The following TMEM132C variants were observed in gnomAD, a reference collection of about 807,000 sequenced individuals.
The protein encoded by TMEM132C is protein phosphatase 1, regulatory subunit 152.
A neutral mutation model predicts 61.4 loss-of-function variants in TMEM132C; 29 were observed. The observed-to-expected ratio is 0.47, with a 90% CI of 0.35 to 0.64. The LOEUF is 0.64. TMEM132C is among the 30% of genes least tolerant of loss of function. The probability of loss-of-function intolerance (pLI) is 0.00; values close to 1 mark genes in which losing one functional copy is unlikely to be tolerated. For synonymous variants in TMEM132C, 656 were observed against 633.1 expected (o/e 1.04, Z -0.54); for missense variants, 1,408 against 1,476.9 (o/e 0.95, Z 0.76).
intron 1 of TMEM132C, among the ~76,000 whole-genome samples, chr12:128,325,388 C>T (rs947741964): frequency 6.6e-6 from 1 of 152,068 alleles, no homozygotes; most frequent in African/African-American, 2.4e-5. Context: ...AGATTACCTT[C>T]CATAGGATCA....
intron 1 of TMEM132C, among the ~76,000 whole-genome samples, chr12:128,374,296 CTGACTGATTACTGGTG>C (rs1202552317): frequency 6.6e-6 from 1 of 152,170 alleles, no homozygotes; most frequent in Non-Finnish European, 1.5e-5. Context: ...GGTTTCAGAA[CTGACTGATTACTGGTG>C]TGAGGGAAGA....
intron 1 of TMEM132C, among the ~76,000 whole-genome samples, chr12:128,290,321 G>A (rs999719039): frequency 6.6e-6 from 1 of 152,102 alleles, no homozygotes; most frequent in African/African-American, 2.4e-5. Flanking sequence ...AGCAAGGGAC[G>A]TCCTACATGG....
chr12:128,453,303 G>A (rs937188147), intron 2 of TMEM132C, among the ~76,000 whole-genome samples: 2 of 152,144 alleles, frequency 1.3e-5, no homozygotes, highest in African/African-American at 2.4e-5. Context: ...GCATAGGCTG[G>A]ATTTTCTCAT....
chr12:128,698,828 T>TGCTGGAGGAGGTGTCATGTG (rs1336582393), intron 8 of TMEM132C, among the ~76,000 whole-genome samples: 1 of 152,178 alleles, frequency 6.6e-6, no homozygotes, highest in African/African-American at 2.4e-5. Context: ...GACTGAGCAA[T>TGCTGGAGGAGGTGTCATGTG]GCTGGAGGAG....
At chr12:128,443,658 G>A (rs960771004) in intron 2 of TMEM132C, among the ~76,000 whole-genome samples, 4 of 152,058 alleles carry the variant, frequency 2.6e-5, no homozygotes, top group Non-Finnish European at 4.4e-5. Flanking sequence ...TCTGATGAAC[G>A]GACAAGGCTA....
chr12:128,542,069 T>C (rs1044936509), intron 2 of TMEM132C, among the ~76,000 whole-genome samples: 1 of 152,158 alleles, frequency 6.6e-6, no homozygotes, highest in Admixed American at 6.5e-5. Flanking sequence ...GCCAACCCTC[T>C]TTATTTCAGT....
At chr12:128,270,268 T>G (rs1486531241) in intron 1 of TMEM132C, among the ~76,000 whole-genome samples, 1 of 152,180 alleles carries the variant, frequency 6.6e-6, no homozygotes, top group Non-Finnish European at 1.5e-5. Context: ...TTAGAATTAC[T>G]GATATCTTTG....
At chr12:128,434,778 T>A (rs12319176) in intron 2 of TMEM132C, among the ~76,000 whole-genome samples, 45 of 151,996 alleles carry the variant, frequency 3.0e-4, no homozygotes, top group African/African-American at 6.5e-4. Context: ...AATTTTTTTT[T>A]AAATTTTTTA....
chr12:128,441,453 C>T (rs1287315410), intron 2 of TMEM132C, among the ~76,000 whole-genome samples: 1 of 152,210 alleles, frequency 6.6e-6, no homozygotes, highest in Non-Finnish European at 1.5e-5. Flanking sequence ...AAAAGCATAG[C>T]TGCTTCCAAA....
chr12:128,442,098 A>G (rs780836808), intron 2 of TMEM132C, among the ~76,000 whole-genome samples: 11 of 152,206 alleles, frequency 7.2e-5, no homozygotes, highest in Non-Finnish European at 1.3e-4. Context: ...CTGAGGAGTC[A>G]TGCCTCCTGG....
intron 5 of TMEM132C, among the ~76,000 whole-genome samples, chr12:128,693,611 C>T (rs931416): frequency 0.97 from 147,531 of 152,296 alleles, 71,633 homozygotes; most frequent in East Asian, 1. Flanking sequence ...TATTGGGTTT[C>T]CTTCTTTCTC....
At chr12:128,483,085 C>T (rs899108278) in intron 2 of TMEM132C, among the ~76,000 whole-genome samples, 1 of 150,944 alleles carries the variant, frequency 6.6e-6, no homozygotes, top group African/African-American at 2.4e-5. Flanking sequence ...AGCAAGACCC[C>T]ATCTCTGCTA....
intron 1 of TMEM132C, among the ~76,000 whole-genome samples, chr12:128,400,787 T>A (rs1268666467): frequency 6.6e-6 from 1 of 152,036 alleles, no homozygotes; most frequent in Non-Finnish European, 1.5e-5. Context: ...TTTTGCATTT[T>A]TTTGTGGAGA....
intron 1 of TMEM132C, chr12:128,399,863 A>G (rs1035960557): frequency 1.3e-5 from 2 of 152,138 alleles, no homozygotes; most frequent in African/African-American, 4.8e-5. Context: ...GTGAAATTCA[A>G]ATTCTAGTGT....
intron 1 of TMEM132C, among the ~76,000 whole-genome samples, chr12:128,317,918 G>A (rs185991329): frequency 1.3e-5 from 2 of 152,252 alleles, no homozygotes; most frequent in East Asian, 3.9e-4. Context: ...TAAATTAGTG[G>A]AAATTGTAAA....
At chr12:128,277,613 T>C (rs1034658733) in intron 1 of TMEM132C, among the ~76,000 whole-genome samples, 1 of 152,140 alleles carries the variant, frequency 6.6e-6, no homozygotes, top group African/African-American at 2.4e-5. Flanking sequence ...AGATAGAAGG[T>C]GTGATGATGC....
intron 3 of TMEM132C, among the ~76,000 whole-genome samples, chr12:128,598,396 C>T (rs1410802200): frequency 2.6e-5 from 4 of 152,058 alleles, no homozygotes; most frequent in African/African-American, 9.7e-5. Context: ...AGATCAGGCC[C>T]CTGCACTCCA....
chr12:128,492,734 G>C (rs189428423), intron 2 of TMEM132C, among the ~76,000 whole-genome samples: 1 of 152,084 alleles, frequency 6.6e-6, no homozygotes, highest in Non-Finnish European at 1.5e-5. Flanking sequence ...TGAGTTCTTC[G>C]TAGATTCTGG....
chr12:128,479,367 G>GA (rs1477792210), intron 2 of TMEM132C, among the ~76,000 whole-genome samples: 5 of 151,788 alleles, frequency 3.3e-5, no homozygotes, highest in South Asian at 2.1e-4. Context: ...AAAAGTTAAG[G>GA]AAAAAAAAGA....
Sources: allele counts gnomAD v4.1 joint callset (sites outside exome capture counted in the v4.1 genomes callset), GRCh38; gene constraint gnomAD v4.1.1; transcripts MANE v1.5; gene names NCBI Gene and HGNC (gene_info 2026-07-23, HGNC 2026-07-21).